SLC35A3: variants seen among roughly 807,000 people sequenced by gnomAD.
The protein encoded by SLC35A3 is UDP-N-acetylglucosamine transporter.
Under a neutral mutation model 39.0 loss-of-function variants are expected in SLC35A3, and 26 were observed. The observed-to-expected ratio is 0.67, with a 90% confidence interval of 0.49 to 0.92. The LOEUF is 0.92. Ranked by LOEUF, SLC35A3 falls within the 40% of genes least tolerant of loss-of-function variation. The pLI is 0.00. For synonymous variants in SLC35A3, 135 were observed against 133.1 expected (o/e 1.01, Z -0.10); for missense variants, 299 against 371.6 (o/e 0.80, Z 1.61).
intron 1 of SLC35A3, chr1:99,970,599 G>A (rs1265321078): frequency 4.6e-6 from 7 of 1,536,026 alleles, no homozygotes; most frequent in Non-Finnish European, 6.1e-6. Flanking sequence ...AGCACCTGGA[G>A]CTCAAGAAGC....
chr1:100,014,596 T>C (rs1659927719), intron 5 of SLC35A3, among the ~76,000 whole-genome samples: 1 of 152,300 alleles, frequency 6.6e-6, no homozygotes, highest in South Asian at 2.1e-4. Flanking sequence ...AATGTGAATA[T>C]ATGAAAAATC....
At chr1:100,020,807 A>T (rs953832788) in intron 7 of SLC35A3, among the ~76,000 whole-genome samples, 2 of 152,204 alleles carry the variant, frequency 1.3e-5, no homozygotes, top group Admixed American at 6.5e-5. Flanking sequence ...TTTTCTAAGA[A>T]GCAAGGAAAC....
At chr1:99,977,108 AT>A (rs934028484) in intron 1 of SLC35A3, among the ~76,000 whole-genome samples, 2 of 152,148 alleles carry the variant, frequency 1.3e-5, no homozygotes, top group Admixed American at 6.5e-5. Flanking sequence ...AAAGAAAACT[AT>A]TTTAAGGCCC....
chr1:99,999,705 G>T (rs1014466059), intron 3 of SLC35A3, among the ~76,000 whole-genome samples: 4 of 151,586 alleles, frequency 2.6e-5, no homozygotes, highest in Non-Finnish European at 5.9e-5. Flanking sequence ...CTCAATTTTT[G>T]TACCCATTAA....
chr1:99,998,024 G>T (rs1028489781), intron 2 of SLC35A3, among the ~76,000 whole-genome samples: 1 of 152,030 alleles, frequency 6.6e-6, no homozygotes, highest in Admixed American at 6.6e-5. Context: ...GCACCACTTT[G>T]AGTTTTCTTC....
At chr1:99,970,475 G>C in intron 1 of SLC35A3, 2 of 1,175,838 alleles carry the variant, frequency 1.7e-6, no homozygotes, top group Non-Finnish European at 2.4e-6. Context: ...AGCGCCTGGT[G>C]CGTGCGGAGC....
chr1:100,016,814 A>G (rs536752605), intron 6 of SLC35A3, among the ~76,000 whole-genome samples: 1 of 152,334 alleles, frequency 6.6e-6, no homozygotes, highest in Admixed American at 6.5e-5. Flanking sequence ...CAGCAAAGAG[A>G]AGAAGCCCCC....
At position 100,035,600 on chromosome 1, in the gene SLC35A3, T is replaced by C. The variant is rs575142612; in HGVS notation, c.*13124T>C. The C allele has an allele frequency of 2.6e-5, 4 of 152,370 alleles. No homozygotes were observed. The highest frequency in any genetic ancestry group is 9.6e-5 in the African/African-American group (4 of 41,592). 9.4% of individuals were successfully genotyped at this position (152,370 alleles called of 1,614,324 possible). ...GCAGATAGTGTCTCATTTATTGATG[T>C]ATCCCTGGCATCTAATAAAACACTG... On this transcript the variant is annotated 3_prime_UTR_variant, in exon 8 of 8. Coordinates refer to ENST00000533028, the MANE Select transcript of SLC35A3 (RefSeq NM_012243.3).
intron 4 of SLC35A3, 82 bp from the exon 5 acceptor site, chr1:100,011,283 A>G (rs532794144): frequency 8.4e-6 from 5 of 593,054 alleles, no homozygotes; most frequent in South Asian, 1.1e-4. Flanking sequence ...TTTTTAAGTT[A>G]TGGTCTAAGA....
chr1:100,003,171 G>A (rs1053506031), intron 3 of SLC35A3, among the ~76,000 whole-genome samples: 10 of 151,772 alleles, frequency 6.6e-5, no homozygotes, highest in Non-Finnish European at 8.8e-5. Flanking sequence ...ATCCCAGCAC[G>A]TCGGGAGGCC....
In SLC35A3 at chr1:99,999,451, CTT is replaced by C. The variant is rs774935375; in HGVS notation, c.342+41_342+42del. The C allele has an allele frequency of 1.6e-3, 2,325 of 1,445,520 alleles. 2 individuals are homozygous for C. The highest frequency in any genetic ancestry group is 2.0e-3 in the Non-Finnish European group (2,180 of 1,064,114). 89.5% of individuals were successfully genotyped at this position (1,445,520 alleles called of 1,614,324 possible). Reference sequence around the variant, plus strand: ...TACATTTCTTTCTTTTTTAAAAAAACTTTTTTCTTATACATAATAATTGTATA... The same window carrying C: ...TACATTTCTTTCTTTTTTAAAAAAACTTTTCTTATACATAATAATTGTATA... On this transcript the variant is annotated intron_variant, in intron 3 of 7. Coordinates refer to ENST00000533028, the MANE Select transcript of SLC35A3 (RefSeq NM_012243.3).
At position 100,023,293 on chromosome 1, in the gene SLC35A3, T is replaced by C. The variant is rs565275991; in HGVS notation, c.*817T>C. Reference sequence around the variant, plus strand: ...ATATTATTTTAAATTAAAATTTGTGTGTAATTGCCATTAAATTTTCAAAAT... The same window carrying C: ...ATATTATTTTAAATTAAAATTTGTGCGTAATTGCCATTAAATTTTCAAAAT... On this transcript the variant is annotated 3_prime_UTR_variant, in exon 8 of 8. Transcript: ENST00000533028. The C allele has an allele frequency of 1.3e-5, 2 of 152,274 alleles. No homozygotes were observed. Among genetic ancestry groups the C allele is most frequent in the South Asian group, 4.1e-4 (2 of 4,830 alleles). The allele number at this position is 152,274 out of a possible 1,614,324, so 9.4% of individuals were successfully genotyped here.
intron 1 of SLC35A3, among the ~76,000 whole-genome samples, chr1:99,977,658 G>A (rs1030589863): frequency 6.6e-6 from 1 of 152,044 alleles, no homozygotes; most frequent in Admixed American, 6.6e-5. Context: ...TCAGCTTCTC[G>A]AGTAGCTGGG....
intron 1 of SLC35A3, among the ~76,000 whole-genome samples, chr1:99,982,003 CTTT>C (rs549298454): frequency 0.032 from 4,044 of 125,742 alleles, 176 homozygotes; most frequent in African/African-American, 0.11. Flanking sequence ...AGGATGTATT[CTTT>C]TTTTTTTTTT....
chr1:100,027,656 CA>C lies in SLC35A3; in HGVS notation c.*5182del, dbSNP rs1427586311. The C allele has an allele frequency of 6.6e-6, 1 of 152,340 alleles. No individual in the cohort carries two copies. Among genetic ancestry groups the C allele is most frequent in the Non-Finnish European group, 1.5e-5 (1 of 68,202 alleles). 9.4% of individuals were successfully genotyped at this position (152,340 alleles called of 1,614,324 possible). On this transcript the variant is annotated 3_prime_UTR_variant, in exon 8 of 8. Coordinates refer to ENST00000533028, the MANE Select transcript of SLC35A3 (RefSeq NM_012243.3). ...ATATAATTGCTTCCATTGTGACTGT[CA>C]ATTGAATGCATGGAGATCAATTGTG...
In SLC35A3 at chr1:100,015,285, A is replaced by G. The variant is rs997923500; in HGVS notation, c.635-17A>G. On this transcript the variant is annotated splice_polypyrimidine_tract_variant and intron_variant, in intron 5 of 7. Coordinates refer to ENST00000533028, the MANE Select transcript of SLC35A3 (RefSeq NM_012243.3). ...ACAAACTAAACGATATATCATGTAGACTTTACTTTTTTTTAGGTTTCTTTG... is the reference window on the plus strand; with the variant it reads ...ACAAACTAAACGATATATCATGTAGGCTTTACTTTTTTTTAGGTTTCTTTG... The G allele has an allele frequency of 6.3e-7, 1 of 1,587,554 alleles. No homozygotes were observed. The highest frequency in any genetic ancestry group is 8.6e-7 in the Non-Finnish European group (1 of 1,168,184).
At chr1:99,970,412 A>G in intron 1 of SLC35A3, 1 of 649,672 alleles carries the variant, frequency 1.5e-6, no homozygotes, top group Admixed American at 2.8e-5. Context: ...AGGAGGAAAA[A>G]AGGCCCGAGG....
chr1:99,970,440 G>T, intron 1 of SLC35A3: 2 of 770,806 alleles, frequency 2.6e-6, no homozygotes, highest in East Asian at 2.7e-5. Flanking sequence ...TGTGTCAAGC[G>T]AATGAAGACG....
At chr1:99,971,536 T>A (rs1183432423) in intron 1 of SLC35A3, among the ~76,000 whole-genome samples, 1 of 152,154 alleles carries the variant, frequency 6.6e-6, no homozygotes, top group African/African-American at 2.4e-5. Context: ...CTCGATCTCC[T>A]GACCTCGTGA....
Sources: allele counts gnomAD v4.1 joint callset (sites outside exome capture counted in the v4.1 genomes callset), GRCh38; gene constraint gnomAD v4.1.1; transcripts MANE v1.5; gene names NCBI Gene and HGNC (gene_info 2026-07-23, HGNC 2026-07-21).